SUCLG2: variants seen among roughly 807,000 people sequenced by gnomAD.
The protein encoded by SUCLG2 is succinate--CoA ligase [GDP-forming] subunit beta, mitochondrial.
A neutral mutation model predicts 47.9 loss-of-function variants in SUCLG2; 42 were observed. That is an observed-to-expected ratio of 0.88 (90% CI 0.69 to 1.14). SUCLG2 has a LOEUF of 1.14. Among genes scored for constraint, SUCLG2 ranks in the 50% most tolerant of loss-of-function variants. The pLI, the probability that SUCLG2 is intolerant of heterozygous loss-of-function variation, is 0.00. For missense variants in SUCLG2, 571 were observed against 525.9 expected (o/e 1.09, Z -0.84); for synonymous variants, 195 against 197.3 (o/e 0.99, Z 0.10).
chr3:67,605,844 T>G (rs762082648), intron 2 of SUCLG2, among the ~76,000 whole-genome samples: 78 of 152,222 alleles, frequency 5.1e-4, no homozygotes, highest in Non-Finnish European at 1.1e-3. Flanking sequence ...TTATTGTCTC[T>G]TTTTTTCCCT....
chr3:67,447,357 A>G (rs1164551737), intron 9 of SUCLG2, among the ~76,000 whole-genome samples: 1 of 152,246 alleles, frequency 6.6e-6, no homozygotes, highest in Non-Finnish European at 1.5e-5. Flanking sequence ...ATATGATTTT[A>G]TAAGTGTAGG....
intron 10 of SUCLG2, among the ~76,000 whole-genome samples, chr3:67,368,522 T>A (rs1336324084): frequency 6.6e-6 from 1 of 152,142 alleles, no homozygotes; most frequent in Non-Finnish European, 1.5e-5. Flanking sequence ...AATTTCTTTA[T>A]TTCCCCCTCT....
intron 10 of SUCLG2, among the ~76,000 whole-genome samples, chr3:67,397,706 T>G (rs944024244): frequency 1.3e-5 from 2 of 152,128 alleles, no homozygotes; most frequent in Non-Finnish European, 2.9e-5. Flanking sequence ...GAGCCAGCAT[T>G]GCCAAGTTAA....
rs143212102 is a variant in SUCLG2 at position 67,511,760 on chromosome 3, C to T, written c.661-2857G>A. On this transcript the variant is annotated intron_variant, in intron 6 of 10. Transcript: ENST00000307227. The stretch of plus-strand genomic sequence containing the variant: ...ATTATTCTATGAGTTTAAGAGACAT[C>T]TTATTTTTTTTGTGTGAATTTTGCC... Among the ~76,000 whole-genome samples, 20 of 151,668 alleles carry T rather than the reference C, an allele frequency of 1.3e-4. 2 individuals are homozygous for T. Among genetic ancestry groups the T allele is most frequent in the African/African-American group, 4.6e-4 (19 of 41,058 alleles).
intron 6 of SUCLG2, among the ~76,000 whole-genome samples, chr3:67,512,892 T>C (rs1705834263): frequency 6.6e-6 from 1 of 150,472 alleles, no homozygotes; most frequent in Non-Finnish European, 1.5e-5. Flanking sequence ...CATATATATA[T>C]ATATTTTCAC....
chr3:67,415,307 C>T (rs115450462), intron 9 of SUCLG2, among the ~76,000 whole-genome samples: 12 of 152,264 alleles, frequency 7.9e-5, no homozygotes, highest in African/African-American at 2.4e-4. Flanking sequence ...GGCTACAAAA[C>T]GAGGATTGAA....
rs372575700 is a variant in SUCLG2, at chr3:67,446,354, T to TAAA, written c.1063-45506_1063-45504dup. On this transcript the variant is annotated intron_variant, in intron 9 of 10. Transcript: ENST00000307227. ...TAATGCTGCTATAAACATTTGTATATAAAAAAAAAAAAAAAAAAAAAGAAA... is the reference window on the plus strand; with the variant it reads ...TAATGCTGCTATAAACATTTGTATATAAAAAAAAAAAAAAAAAAAAAAAAGAAA... 6.4e-3 allele frequency among the ~76,000 whole-genome samples: 111 copies of TAAA among 17,400 alleles called. 15 individuals are homozygous for TAAA. Among genetic ancestry groups the TAAA allele is most frequent in the African/African-American group, 0.02 (100 of 4,970 alleles). The allele number at this position is 17,400 out of a possible 152,430, so 11.4% of individuals were successfully genotyped here.
At chr3:67,420,204 C>G (rs1307410271) in intron 9 of SUCLG2, among the ~76,000 whole-genome samples, 1 of 152,204 alleles carries the variant, frequency 6.6e-6, no homozygotes, top group African/African-American at 2.4e-5. Flanking sequence ...AAGTGACTTA[C>G]TATCAAATAT....
Position 67,569,660 on chromosome 3 carries a change from T to C in SUCLG2, c.226+39795A>G, listed in dbSNP as rs1435526586. On this transcript the variant is annotated intron_variant, in intron 2 of 10. Transcript: ENST00000307227. Reference sequence around the variant, plus strand: ...AGGACTAGAATGTTTATTGTATGCCTGTTCGCCTATTTGGGAAGCAGATAA... The same window carrying C: ...AGGACTAGAATGTTTATTGTATGCCCGTTCGCCTATTTGGGAAGCAGATAA... Among the ~76,000 whole-genome samples the C allele has an allele frequency of 2.0e-5, 3 of 152,264 alleles. No individual in the cohort carries two copies. In the East Asian group the frequency reaches 5.8e-4, roughly 29 times the overall value.
chr3:67,518,679 T>G (rs1184779023), intron 5 of SUCLG2, among the ~76,000 whole-genome samples: 1 of 152,246 alleles, frequency 6.6e-6, no homozygotes. Flanking sequence ...AGTAAGGTTT[T>G]CCTGCCTACT....
chr3:67,397,615 A>G (rs1344937917), intron 10 of SUCLG2, among the ~76,000 whole-genome samples: 1 of 152,146 alleles, frequency 6.6e-6, no homozygotes, highest in African/African-American at 2.4e-5. Context: ...TATAGATTCA[A>G]TGCCATCCCC....
At chr3:67,431,049 C>A (rs1467327077) in intron 9 of SUCLG2, among the ~76,000 whole-genome samples, 1 of 152,172 alleles carries the variant, frequency 6.6e-6, no homozygotes, top group Non-Finnish European at 1.5e-5. Context: ...ACCATTCCTT[C>A]TGAAACTATT....
intron 2 of SUCLG2, among the ~76,000 whole-genome samples, chr3:67,572,473 A>G (rs17046618): frequency 0.25 from 37,839 of 152,098 alleles, 5,164 homozygotes; most frequent in East Asian, 0.42. Context: ...AGCTTCAACA[A>G]CATTAAAATA....
chr3:67,384,734 G>C (rs1702225634), intron 10 of SUCLG2, among the ~76,000 whole-genome samples: 1 of 152,132 alleles, frequency 6.6e-6, no homozygotes, highest in Admixed American at 6.5e-5. Context: ...GGCAAATATT[G>C]GCTCGAATTT....
At position 67,374,861 on chromosome 3, in the gene SUCLG2, T is replaced by A; in HGVS notation, c.*883A>T. Reference sequence around the variant, plus strand: ...AAAACACATTCAAATAAGGTTCCCATCTTTCTACCATAAACTGGTAGATTC... The same window carrying A: ...AAAACACATTCAAATAAGGTTCCCAACTTTCTACCATAAACTGGTAGATTC... On this transcript the variant is annotated 3_prime_UTR_variant, in exon 11 of 11. Transcript: ENST00000307227. 1 of 984,554 alleles carries A rather than the reference T, an allele frequency of 1.0e-6. No individual in the cohort carries two copies. The highest frequency in any genetic ancestry group is 1.7e-5 in the African/African-American group (1 of 57,232). The allele number at this position is 984,554 out of a possible 1,614,324, so 61.0% of individuals were successfully genotyped here. A position where few individuals can be genotyped will look rare whatever the true frequency, so the allele number is the denominator to read the frequency against.
intron 2 of SUCLG2, among the ~76,000 whole-genome samples, chr3:67,538,822 T>A (rs1706618543): frequency 6.6e-6 from 1 of 152,212 alleles, no homozygotes; most frequent in South Asian, 2.1e-4. Context: ...TTGTAGCAAT[T>A]GTGAATGTGA....
chr3:67,565,131 C>T (rs964719638), intron 2 of SUCLG2, among the ~76,000 whole-genome samples: 1 of 152,160 alleles, frequency 6.6e-6, no homozygotes, highest in African/African-American at 2.4e-5. Flanking sequence ...ATATGTGCTA[C>T]GTGCTGGTCA....
chr3:67,499,139 A>G (rs770551228), intron 7 of SUCLG2, among the ~76,000 whole-genome samples: 3 of 152,238 alleles, frequency 2.0e-5, no homozygotes, highest in Non-Finnish European at 2.9e-5. Context: ...TGAAATAATT[A>G]AACACAGTGA....
chr3:67,621,461 C>T (rs1700735603), intron 1 of SUCLG2, among the ~76,000 whole-genome samples: 2 of 152,152 alleles, frequency 1.3e-5, no homozygotes, highest in South Asian at 4.2e-4. Context: ...AAATCTTTTG[C>T]CCAAACTGGC....
Sources: gnomAD v4.1 joint callset for allele counts (sites outside exome capture counted in the v4.1 genomes callset) on GRCh38, gnomAD v4.1.1 for gene constraint, MANE v1.5 for transcripts, NCBI Gene and HGNC (gene_info 2026-07-23, HGNC 2026-07-21) for gene names.